Variants in SLC4A7 observed in about 807,000 individuals in gnomAD.
The protein encoded by SLC4A7 is sodium bicarbonate cotransporter 3.
A neutral mutation model predicts 137.6 loss-of-function variants in SLC4A7; 51 were observed. The observed-to-expected ratio is 0.37, with a 90% CI of 0.30 to 0.47. The LOEUF is 0.47. Among genes scored for constraint, SLC4A7 ranks in the 20% least tolerant of loss-of-function variants. The pLI, the probability that SLC4A7 is intolerant of heterozygous loss-of-function variation, is 1.00. For synonymous variants in SLC4A7, 542 were observed against 518.6 expected (o/e 1.05, Z -0.61); for missense variants, 1,247 against 1,525.4 (o/e 0.82, Z 3.04).
chr3:27,473,493 G>A (rs9819686), intron 1 of SLC4A7, among the ~76,000 whole-genome samples: 3,668 of 151,470 alleles, frequency 0.024, 164 homozygotes, highest in African/African-American at 0.085. Flanking sequence ...CAAGGTAGGC[G>A]GATCACTTGA....
intron 11 of SLC4A7, among the ~76,000 whole-genome samples, chr3:27,414,948 G>A (rs1202514574): frequency 6.6e-5 from 10 of 152,162 alleles, no homozygotes; most frequent in Admixed American, 6.5e-4. Context: ...ATTGTTTCAG[G>A]CTCGATAACG....
intron 24 of SLC4A7, 141 bp downstream of exon 24, chr3:27,383,012 G>T: frequency 1.7e-6 from 1 of 605,416 alleles, no homozygotes; most frequent in Non-Finnish European, 2.8e-6. Context: ...ATTGTGTGAA[G>T]CCCTCCTTTA....
intron 1 of SLC4A7, among the ~76,000 whole-genome samples, chr3:27,478,206 A>G (rs1235380590): frequency 1.3e-5 from 2 of 152,006 alleles, no homozygotes; most frequent in Non-Finnish European, 2.9e-5. Context: ...AATGAGGAAA[A>G]AAAAAAAGGT....
At chr3:27,467,260 G>A (rs2059048756) in intron 1 of SLC4A7, among the ~76,000 whole-genome samples, 1 of 151,874 alleles carries the variant, frequency 6.6e-6, no homozygotes, top group Admixed American at 6.6e-5. Flanking sequence ...TTAAATCAGG[G>A]GTATCTGATT....
intron 16 of SLC4A7, among the ~76,000 whole-genome samples, chr3:27,398,707 C>T (rs1030768620): frequency 2.6e-5 from 4 of 152,122 alleles, no homozygotes; most frequent in Non-Finnish European, 4.4e-5. Context: ...TCTTGCTTGT[C>T]CACAATTTTA....
At chr3:27,467,969 G>A (rs942174691) in intron 1 of SLC4A7, among the ~76,000 whole-genome samples, 8 of 152,140 alleles carry the variant, frequency 5.3e-5, no homozygotes, top group Admixed American at 2.6e-4. Context: ...TTAGGATATA[G>A]TAGAATAGTA....
chr3:27,441,127 G>T (rs890513927), intron 3 of SLC4A7, among the ~76,000 whole-genome samples: 7 of 152,128 alleles, frequency 4.6e-5, no homozygotes, highest in African/African-American at 1.7e-4. Flanking sequence ...TCACAGGTTC[G>T]AGGGTTTAGG....
intron 1 of SLC4A7, among the ~76,000 whole-genome samples, chr3:27,476,725 C>A (rs1317011874): frequency 5.3e-5 from 8 of 152,136 alleles, no homozygotes; most frequent in Non-Finnish European, 1.0e-4. Flanking sequence ...TGCATGCTTC[C>A]CCTTCCACCA....
chr3:27,478,772 G>A (rs2059580573), intron 1 of SLC4A7, among the ~76,000 whole-genome samples: 1 of 150,222 alleles, frequency 6.7e-6, no homozygotes, highest in Admixed American at 6.6e-5. Context: ...TGGATCATTT[G>A]AGGTCAGGAG....
chr3:27,390,288 G>GGGT, intron 21 of SLC4A7, 184 bp from the exon 22 acceptor site: 1 of 324,328 alleles, frequency 3.1e-6, no homozygotes, highest in Non-Finnish European at 5.8e-6. Flanking sequence ...GTGGGGGAGG[G>GGGT]TGGCAGGTGG....
intron 1 of SLC4A7, among the ~76,000 whole-genome samples, chr3:27,454,414 C>T (rs752201603): frequency 2.0e-4 from 31 of 152,096 alleles, no homozygotes; most frequent in Non-Finnish European, 3.1e-4. Context: ...TGCAGTGAGC[C>T]GAGATCACGT....
chr3:27,388,483 A>T (rs2051199887), intron 22 of SLC4A7, among the ~76,000 whole-genome samples: 1 of 152,170 alleles, frequency 6.6e-6, no homozygotes, highest in Admixed American at 6.5e-5. Flanking sequence ...TGATACTTTA[A>T]GGACAGGTCT....
chr3:27,456,817 T>A, intron 1 of SLC4A7: 1 of 1,448,002 alleles, frequency 6.9e-7, no homozygotes, highest in South Asian at 1.5e-5. Context: ...ACTTTTATGG[T>A]ACAGCCAATC....
intron 22 of SLC4A7, among the ~76,000 whole-genome samples, chr3:27,386,589 T>C (rs137939223): frequency 2.0e-5 from 3 of 152,270 alleles, no homozygotes; most frequent in Admixed American, 6.5e-5. Flanking sequence ...CTTTTGTTTA[T>C]GCATTTATGA....
At chr3:27,428,647 A>G (rs2055913300) in intron 7 of SLC4A7, among the ~76,000 whole-genome samples, 1 of 152,210 alleles carries the variant, frequency 6.6e-6, no homozygotes, top group African/African-American at 2.4e-5. Flanking sequence ...TAGTTGTATG[A>G]TGCAGGGGAA....
intron 1 of SLC4A7, among the ~76,000 whole-genome samples, chr3:27,478,790 C>G (rs1182759213): frequency 1.4e-5 from 2 of 147,634 alleles, no homozygotes; most frequent in Non-Finnish European, 3.0e-5. Flanking sequence ...GAGTTCAAGA[C>G]CAGCCTGGCC....
chr3:27,469,244 C>A (rs1413322524), intron 1 of SLC4A7, among the ~76,000 whole-genome samples: 1 of 152,150 alleles, frequency 6.6e-6, no homozygotes, highest in African/African-American at 2.4e-5. Flanking sequence ...GATTTCTCCC[C>A]ACGAGCAAGC....
chr3:27,431,445 C>T lies in SLC4A7; in HGVS notation c.1003G>A (p.Glu335Lys), dbSNP rs3755652. Residue 335 changes from glutamate (E) to lysine (K), a missense_variant, in exon 7 of 26, where the codon GAG becomes AAG. Physicochemically the swap from Glu to Lys is moderately conservative, Grantham distance 56 (BLOSUM62 1). Transcript: ENST00000454389. ...AGTTCTGGGGCCTGACGCTGACTCT[C>T]TTGGGAACTTCTGGAGGTCAGGCGG... ...ISRLTSRSSQ[E>K]SQRQAPELLV... 379,531 of 1,613,798 alleles carry T rather than the reference C, an allele frequency of 0.24. 47,591 individuals are homozygous for T. The highest frequency in any genetic ancestry group is 0.26 in the Non-Finnish European group (310,208 of 1,179,816).
intron 1 of SLC4A7, among the ~76,000 whole-genome samples, chr3:27,472,716 TG>T (rs1340565452): frequency 6.6e-6 from 1 of 152,226 alleles, no homozygotes; most frequent in African/African-American, 2.4e-5. Context: ...ATTAAAATAC[TG>T]TTTTGATTTC....
Sources: allele counts gnomAD v4.1 joint callset (sites outside exome capture counted in the v4.1 genomes callset), GRCh38; gene constraint gnomAD v4.1.1; transcripts MANE v1.5; gene names NCBI Gene and HGNC (gene_info 2026-07-23, HGNC 2026-07-21).